Variants in SPAG16 observed in about 807,000 individuals in gnomAD.
The protein encoded by SPAG16 is sperm-associated antigen 16 protein.
A neutral mutation model predicts 80.4 loss-of-function variants in SPAG16; 86 were observed. The observed-to-expected ratio is 1.07, with a 90% CI of 0.90 to 1.28. SPAG16 has a LOEUF of 1.28. Ranked by LOEUF, SPAG16 falls within the 50% of genes most tolerant of loss-of-function variation. The pLI is 0.00. For missense variants in SPAG16, 870 were observed against 765.3 expected, an observed-to-expected ratio of 1.14 and a Z score of -1.61; for synonymous variants, 294 against 265.9, an observed-to-expected ratio of 1.11 and a Z score of -1.03.
At chr2:213,399,223 T>A (rs2068196752) in intron 9 of SPAG16, among the ~76,000 whole-genome samples, 1 of 152,100 alleles carries the variant, frequency 6.6e-6, no homozygotes, top group Non-Finnish European at 1.5e-5. Flanking sequence ...ATGCATCTGA[T>A]GTTTCAACAC....
At chr2:214,326,497 A>G (rs1696489524) in intron 15 of SPAG16, among the ~76,000 whole-genome samples, 1 of 152,216 alleles carries the variant, frequency 6.6e-6, no homozygotes, top group African/African-American at 2.4e-5. Flanking sequence ...ACAGTAAAAA[A>G]GCCAATATTC....
At chr2:213,883,032 A>AT (rs760221970) in intron 11 of SPAG16, among the ~76,000 whole-genome samples, 197 of 151,908 alleles carry the variant, frequency 1.3e-3, no homozygotes, top group Non-Finnish European at 2.0e-3. Flanking sequence ...CACCCGGCTA[A>AT]TTTTTTTGTA....
intron 10 of SPAG16, among the ~76,000 whole-genome samples, chr2:213,541,597 G>A (rs1306508713): frequency 1.3e-5 from 2 of 152,174 alleles, no homozygotes; most frequent in Non-Finnish European, 2.9e-5. Context: ...TCCAGCCTGG[G>A]TGACACAGAC....
intron 10 of SPAG16, among the ~76,000 whole-genome samples, chr2:213,530,270 C>T (rs2076025011): frequency 6.6e-6 from 1 of 152,124 alleles, no homozygotes; most frequent in Non-Finnish European, 1.5e-5. Context: ...CTGTGACTGG[C>T]AGCACAGTGG....
intron 11 of SPAG16, among the ~76,000 whole-genome samples, chr2:213,900,454 C>CT: frequency 6.6e-6 from 1 of 152,190 alleles, no homozygotes; most frequent in South Asian, 2.1e-4. Context: ...GTTAGCAATT[C>CT]TTTAACATAA....
chr2:213,646,680 T>C (rs2062835356), intron 10 of SPAG16, among the ~76,000 whole-genome samples: 1 of 152,208 alleles, frequency 6.6e-6, no homozygotes, highest in African/African-American at 2.4e-5. Context: ...AAACATAAGT[T>C]GATACCAATG....
chr2:213,350,069 A>G (rs1198096305), intron 6 of SPAG16, among the ~76,000 whole-genome samples: 11 of 152,222 alleles, frequency 7.2e-5, no homozygotes, highest in Admixed American at 2.0e-4. Context: ...AAATGTTTTT[A>G]TACTTAATTT....
At chr2:213,847,529 G>T (rs13031136) in intron 10 of SPAG16, among the ~76,000 whole-genome samples, 32,898 of 152,044 alleles carry the variant, frequency 0.22, 4,088 homozygotes, top group Middle Eastern at 0.34. Flanking sequence ...CTAAGAGGGA[G>T]AGCTCACTTA....
chr2:213,824,181 A>C (rs371855096), intron 10 of SPAG16, among the ~76,000 whole-genome samples: 62 of 152,042 alleles, frequency 4.1e-4, no homozygotes, highest in African/African-American at 1.4e-3. Flanking sequence ...TCCTTTCCCC[A>C]TTGTTTGTTT....
chr2:214,380,098 G>A (rs1014260861), intron 15 of SPAG16, among the ~76,000 whole-genome samples: 12 of 152,188 alleles, frequency 7.9e-5, no homozygotes, highest in Admixed American at 7.9e-4. Flanking sequence ...GGTAAGAGCA[G>A]GATGGTGAGA....
At chr2:213,680,632 CTT>C (rs959507577) in intron 10 of SPAG16, among the ~76,000 whole-genome samples, 1 of 152,052 alleles carries the variant, frequency 6.6e-6, no homozygotes, top group Non-Finnish European at 1.5e-5. Flanking sequence ...GCTACTTACA[CTT>C]TCTCTTCCTA....
intron 9 of SPAG16, among the ~76,000 whole-genome samples, chr2:213,386,549 G>C (rs41484647): frequency 2.3e-4 from 35 of 152,122 alleles, no homozygotes; most frequent in Non-Finnish European, 4.0e-4. Context: ...CTATAAGCTC[G>C]TCTAATCTTC....
chr2:213,286,251 C>T (rs1290775932), intron 1 of SPAG16, among the ~76,000 whole-genome samples: 2 of 152,136 alleles, frequency 1.3e-5, no homozygotes, highest in South Asian at 2.1e-4. Flanking sequence ...AATTATCCAA[C>T]CCATTTGCTT....
chr2:214,036,830 A>C (rs1053793770), intron 13 of SPAG16, among the ~76,000 whole-genome samples: 6 of 152,206 alleles, frequency 3.9e-5, no homozygotes, highest in Non-Finnish European at 8.8e-5. Flanking sequence ...AACTATGGTT[A>C]GATCTTCTCC....
intron 10 of SPAG16, among the ~76,000 whole-genome samples, chr2:213,526,107 A>G (rs2075877067): frequency 6.6e-6 from 1 of 152,116 alleles, no homozygotes; most frequent in South Asian, 2.1e-4. Flanking sequence ...TAATATCGGT[A>G]TCTTAACATA....
intron 12 of SPAG16, among the ~76,000 whole-genome samples, chr2:213,992,194 A>C (rs1024406441): frequency 1.3e-5 from 2 of 152,188 alleles, no homozygotes; most frequent in African/African-American, 4.8e-5. Context: ...GAATGCAACT[A>C]CTATTTGAAC....
chr2:213,790,214 A>T (rs552282955), intron 10 of SPAG16, among the ~76,000 whole-genome samples: 44 of 151,914 alleles, frequency 2.9e-4, no homozygotes, highest in Non-Finnish European at 5.6e-4. Context: ...ATAAAATAAG[A>T]TGCAATTTTT....
At chr2:213,671,893 A>G (rs933111856) in intron 10 of SPAG16, among the ~76,000 whole-genome samples, 3 of 152,226 alleles carry the variant, frequency 2.0e-5, no homozygotes, top group African/African-American at 7.2e-5. Context: ...TATACAGCAA[A>G]TGAATACACA....
At position 213,593,264 on chromosome 2, in the gene SPAG16, T is replaced by C. The variant is rs112353138; in HGVS notation, c.1070+103174T>C. On this transcript the variant is annotated intron_variant, in intron 10 of 15. Transcript: ENST00000331683. The stretch of plus-strand genomic sequence containing the variant: ...CCCCTGTCAGATTGAACAGTGCATT[T>C]TTCTGTAAGTCCATGCTCTTTCCTG... Among the ~76,000 whole-genome samples the C allele has an allele frequency of 1.7e-3, 256 of 152,280 alleles. 4 individuals carry two copies. Among genetic ancestry groups the C allele is most frequent in the African/African-American group, 5.1e-3 (211 of 41,562 alleles).
Sources: allele counts gnomAD v4.1 joint callset (sites outside exome capture counted in the v4.1 genomes callset), GRCh38; gene constraint gnomAD v4.1.1; transcripts MANE v1.5; gene names NCBI Gene and HGNC (gene_info 2026-07-23, HGNC 2026-07-21).